The following LRRC4C variants were observed in gnomAD, a reference collection of about 807,000 sequenced individuals.
LRRC4C encodes the protein leucine rich repeat containing 4C.
LRRC4C carries 5 observed loss-of-function variants against 33.6 expected under a neutral mutation model. That is an observed-to-expected ratio of 0.15 (90% CI 0.08 to 0.31). The LOEUF (loss-of-function observed/expected upper bound fraction) is 0.31. Ranked by LOEUF, LRRC4C falls within the 10% of genes least tolerant of loss-of-function variation. LRRC4C has a pLI of 1.00. For missense variants in LRRC4C, 560 were observed against 796.7 expected, an observed-to-expected ratio of 0.70 and a Z score of 3.58; for synonymous variants, 329 against 302.0, an observed-to-expected ratio of 1.09 and a Z score of -0.93.
chr11:40,594,600 G>A (rs969463719), intron 3 of LRRC4C, among the ~76,000 whole-genome samples: 2 of 152,076 alleles, frequency 1.3e-5, no homozygotes, highest in African/African-American at 4.8e-5. Context: ...ACATGAGGTA[G>A]AAAGTAACTC....
intron 1 of LRRC4C, among the ~76,000 whole-genome samples, chr11:41,408,769 T>G (rs1011668446): frequency 8.5e-6 from 1 of 116,986 alleles, no homozygotes; most frequent in East Asian, 2.2e-4. Context: ...AAAAAAAAAC[T>G]GAGTCTCTCA....
chr11:40,966,661 T>C (rs923015139), intron 1 of LRRC4C, among the ~76,000 whole-genome samples: 1 of 152,016 alleles, frequency 6.6e-6, no homozygotes, highest in Admixed American at 6.6e-5. Context: ...GGTAGCCTCA[T>C]GCCTCTGTCC....
At position 40,842,661 on chromosome 11, in the gene LRRC4C, T is replaced by C. The variant is rs181733731; in HGVS notation, c.-407+90974A>G. On this transcript the variant is annotated intron_variant, in intron 2 of 6. Transcript: ENST00000528697. ...ATTTATTATTTTTATCTAACTGAAA[T>C]TTTGTATCATTTAACCAACATCTCT... Among the ~76,000 whole-genome samples, 781 of 152,264 alleles carry C rather than the reference T, an allele frequency of 5.1e-3. 11 individuals are homozygous for C. Among genetic ancestry groups the C allele is most frequent in the African/African-American group, 0.017 (721 of 41,560 alleles).
intron 1 of LRRC4C, among the ~76,000 whole-genome samples, chr11:41,171,067 C>T (rs1385623375): frequency 6.6e-6 from 1 of 151,916 alleles, no homozygotes; most frequent in African/African-American, 2.4e-5. Flanking sequence ...CCATCTCACA[C>T]CAGTTAGAAT....
Position 41,149,113 on chromosome 11 carries a change from G to A in LRRC4C, c.-495-215390C>T, listed in dbSNP as rs186133672. ...TATTTTTTCAGAAAAAAACAAAAAA[G>A]GATCATTTTTAAACTCAATCTTGAC... On this transcript the variant is annotated intron_variant, in intron 1 of 6. Coordinates refer to ENST00000528697, the MANE Select transcript of LRRC4C (RefSeq NM_001258419.2). Among the ~76,000 whole-genome samples the A allele has an allele frequency of 1.7e-3, 264 of 152,118 alleles. 1 individual carries two copies. Among genetic ancestry groups the A allele is most frequent in the Admixed American group, 2.9e-3 (44 of 15,286 alleles).
At chr11:40,535,921 C>T (rs1030667996) in intron 3 of LRRC4C, among the ~76,000 whole-genome samples, 12 of 152,152 alleles carry the variant, frequency 7.9e-5, no homozygotes, top group East Asian at 1.9e-4. Flanking sequence ...ATTTTGCAGA[C>T]GCTATGCATT....
chr11:40,418,400 C>T (rs530911118), intron 3 of LRRC4C, among the ~76,000 whole-genome samples: 25 of 152,188 alleles, frequency 1.6e-4, no homozygotes, highest in South Asian at 4.2e-4. Flanking sequence ...CAAATCAAAA[C>T]GACAATGAGA....
At chr11:41,327,172 C>T (rs1951148370) in intron 1 of LRRC4C, among the ~76,000 whole-genome samples, 2 of 152,116 alleles carry the variant, frequency 1.3e-5, no homozygotes, top group African/African-American at 4.8e-5. Flanking sequence ...AGGCAGCCCA[C>T]CTTTTTCATG....
intron 5 of LRRC4C, among the ~76,000 whole-genome samples, chr11:40,151,747 G>C (rs573630366): frequency 6.6e-6 from 1 of 152,172 alleles, no homozygotes; most frequent in Admixed American, 6.5e-5. Flanking sequence ...TTGGATTCTG[G>C]GGAAGAAACA....
intron 1 of LRRC4C, among the ~76,000 whole-genome samples, chr11:41,367,763 T>C (rs1352493112): frequency 3.9e-5 from 6 of 152,174 alleles, no homozygotes; most frequent in African/African-American, 1.4e-4. Context: ...ATTTGGTCCC[T>C]GAACCTTGGC....
chr11:40,854,448 G>C (rs1264591892), intron 2 of LRRC4C, among the ~76,000 whole-genome samples: 1 of 152,314 alleles, frequency 6.6e-6, no homozygotes, highest in South Asian at 2.1e-4. Flanking sequence ...GGGTAAATGA[G>C]TTTGGCTAGG....
intron 1 of LRRC4C, among the ~76,000 whole-genome samples, chr11:41,035,150 A>C (rs2137883862): frequency 6.6e-6 from 1 of 151,392 alleles, no homozygotes; most frequent in African/African-American, 2.4e-5. Flanking sequence ...ATATTGTGCC[A>C]CTGCACTCCA....
At chr11:40,225,861 C>G (rs181920862) in intron 5 of LRRC4C, among the ~76,000 whole-genome samples, 2 of 152,142 alleles carry the variant, frequency 1.3e-5, no homozygotes, top group African/African-American at 4.8e-5. Context: ...TCAGGTGATC[C>G]GCCCGCCTCG....
At chr11:40,129,869 C>G (rs1422263639) in intron 6 of LRRC4C, among the ~76,000 whole-genome samples, 1 of 152,130 alleles carries the variant, frequency 6.6e-6, no homozygotes, top group African/African-American at 2.4e-5. Flanking sequence ...CTACTTCATG[C>G]TAAAAAATCC....
At chr11:40,404,433 A>T (rs1011184178) in intron 3 of LRRC4C, among the ~76,000 whole-genome samples, 2 of 152,166 alleles carry the variant, frequency 1.3e-5, no homozygotes, top group African/African-American at 4.8e-5. Flanking sequence ...CCACCCACCC[A>T]GTTGCCAAGC....
At chr11:41,125,310 C>CA (rs1489630822) in intron 1 of LRRC4C, among the ~76,000 whole-genome samples, 3 of 152,040 alleles carry the variant, frequency 2.0e-5, no homozygotes, top group African/African-American at 7.2e-5. Context: ...AGGCAATCCT[C>CA]AAAAAATTCA....
intron 1 of LRRC4C, among the ~76,000 whole-genome samples, chr11:41,035,169 G>A (rs929555170): frequency 4.0e-5 from 6 of 150,386 alleles, no homozygotes; most frequent in East Asian, 1.9e-4. Context: ...CAGCCTGGGC[G>A]ACAGAATGAG....
intron 4 of LRRC4C, among the ~76,000 whole-genome samples, chr11:40,269,533 T>G (rs1266620785): frequency 6.6e-6 from 1 of 152,092 alleles, no homozygotes; most frequent in Non-Finnish European, 1.5e-5. Flanking sequence ...TCTATCTCAT[T>G]TCATACTTGC....
Position 41,021,214 on chromosome 11 carries a change from A to AGTGTGTGT in LRRC4C, c.-495-87499_-495-87492dup, listed in dbSNP as rs540703685. On this transcript the variant is annotated intron_variant, in intron 1 of 6. Transcript: ENST00000528697. ...GAGAGAGAGAGAGAGAGAGAGAGAG[A>AGTGTGTGT]GTGTGTGTGTGTGTGTGTTTAAGAA... Among the ~76,000 whole-genome samples, 34 of 134,054 alleles carry AGTGTGTGT rather than the reference A, an allele frequency of 2.5e-4. 1 individual carries two copies. The highest frequency in any genetic ancestry group is 6.1e-4 in the Admixed American group (8 of 13,136). The allele number at this position is 134,054 out of a possible 152,430, so 87.9% of individuals were successfully genotyped here.
Sources: allele counts gnomAD v4.1 joint callset (sites outside exome capture counted in the v4.1 genomes callset), GRCh38; gene constraint gnomAD v4.1.1; transcripts MANE v1.5; gene names NCBI Gene and HGNC (gene_info 2026-07-23, HGNC 2026-07-21).